NALF1: variants seen among roughly 807,000 people sequenced by gnomAD.
NALF1 encodes family with sequence similarity 155 member A.
In NALF1, 3 loss-of-function variants were observed where a neutral mutation model predicts 48.4. That is an observed-to-expected ratio of 0.06 (90% confidence interval 0.03 to 0.16). The LOEUF (loss-of-function observed/expected upper bound fraction) is 0.16, where lower values mean the gene tolerates loss of function less well. Ranked by LOEUF, NALF1 falls within the 10% of genes least tolerant of loss-of-function variation. The pLI is 1.00. For missense variants in NALF1, 526 were observed against 571.5 expected, an observed-to-expected ratio of 0.92 and a Z score of 0.81; for synonymous variants, 262 against 245.7, an observed-to-expected ratio of 1.07 and a Z score of -0.62.
chr13:107,740,829 A>G (rs1876610881), intron 1 of NALF1, among the ~76,000 whole-genome samples: 1 of 152,210 alleles, frequency 6.6e-6, no homozygotes, highest in Non-Finnish European at 1.5e-5. Flanking sequence ...ACCCTGCTGG[A>G]ATCTCCATTG....
chr13:107,329,831 A>T (rs569448942), intron 1 of NALF1, among the ~76,000 whole-genome samples: 1 of 152,152 alleles, frequency 6.6e-6, no homozygotes, highest in Non-Finnish European at 1.5e-5. Context: ...AAAAGACATG[A>T]ACTCATCATT....
intron 1 of NALF1, among the ~76,000 whole-genome samples, chr13:107,357,048 C>A (rs1594135086): frequency 6.6e-6 from 1 of 152,092 alleles, no homozygotes; most frequent in Non-Finnish European, 1.5e-5. Context: ...AAATCAAACA[C>A]AAAGGGTTCT....
rs560424140 is a variant in NALF1 at position 107,425,100 on chromosome 13, C to A, written c.916-214345G>T. On this transcript the variant is annotated intron_variant, in intron 1 of 2. Coordinates refer to ENST00000375915, the MANE Select transcript of NALF1 (RefSeq NM_001080396.3). ...ATTTTGCTCCTAATTTTTCTACTTA[C>A]AACATTACGAAAGAAAGTTGATTTG... Among the ~76,000 whole-genome samples the A allele has an allele frequency of 1.0e-3, 154 of 152,278 alleles. 1 individual carries two copies. The highest frequency in any genetic ancestry group is 3.2e-3 in the African/African-American group (135 of 41,564).
At chr13:107,581,927 A>G (rs1266940170) in intron 1 of NALF1, among the ~76,000 whole-genome samples, 1 of 152,126 alleles carries the variant, frequency 6.6e-6, no homozygotes, top group Non-Finnish European at 1.5e-5. Flanking sequence ...ATTTCAGCCT[A>G]TGGTGATCAT....
At chr13:107,246,502 T>C (rs1880588499) in intron 1 of NALF1, among the ~76,000 whole-genome samples, 1 of 152,164 alleles carries the variant, frequency 6.6e-6, no homozygotes. Flanking sequence ...GATCGATTTT[T>C]AAAAAAAGTC....
At chr13:107,235,528 A>G (rs576638400) in intron 1 of NALF1, among the ~76,000 whole-genome samples, 13 of 152,148 alleles carry the variant, frequency 8.5e-5, no homozygotes, top group African/African-American at 3.1e-4. Context: ...ATATACTTTA[A>G]ATCACCTCTG....
intron 1 of NALF1, among the ~76,000 whole-genome samples, chr13:107,659,992 A>G (rs545611585): frequency 6.6e-6 from 1 of 151,888 alleles, no homozygotes; most frequent in African/African-American, 2.4e-5. Flanking sequence ...TGGCCTCCCA[A>G]AGTGCTGGGA....
At chr13:107,255,379 ATTACAGTGTGGGTCTGTAT>A (rs1880792608) in intron 1 of NALF1, among the ~76,000 whole-genome samples, 1 of 152,084 alleles carries the variant, frequency 6.6e-6, no homozygotes, top group Non-Finnish European at 1.5e-5. Context: ...CCCCTTTTAA[ATTACAGTGTGGGTCTGTAT>A]TTAATGTCTC....
chr13:107,611,890 T>C (rs1293924528), intron 1 of NALF1, among the ~76,000 whole-genome samples: 1 of 149,464 alleles, frequency 6.7e-6, no homozygotes, highest in East Asian at 2.0e-4. Flanking sequence ...ACCACTGCAC[T>C]CCAGCCTGGA....
intron 1 of NALF1, among the ~76,000 whole-genome samples, chr13:107,605,161 T>A (rs1879030157): frequency 6.6e-6 from 1 of 152,180 alleles, no homozygotes; most frequent in Non-Finnish European, 1.5e-5. Flanking sequence ...AACAAAAAGC[T>A]TGTCAAGGCA....
chr13:107,781,690 G>T, intron 1 of NALF1, among the ~76,000 whole-genome samples: 1 of 150,056 alleles, frequency 6.7e-6, no homozygotes, highest in African/African-American at 2.5e-5. Flanking sequence ...TCTCTTCTTT[G>T]CACTGCTTCA....
At chr13:107,200,928 A>G (rs1056027355) in intron 2 of NALF1, among the ~76,000 whole-genome samples, 3 of 152,186 alleles carry the variant, frequency 2.0e-5, no homozygotes, top group Non-Finnish European at 4.4e-5. Context: ...CGTAACTCTG[A>G]GGTTGAACCT....
rs970669855 is a variant in NALF1 at position 107,260,463 on chromosome 13, T to G, written c.916-49708A>C. On this transcript the variant is annotated intron_variant, in intron 1 of 2. Transcript: ENST00000375915. ...CAATGTTCTGTTAAAACATGAACTT[T>G]TTCAACTTCAGTGCAACTCGCTAGC... is the stretch of plus-strand genomic sequence containing the variant. Among the ~76,000 whole-genome samples the G allele has an allele frequency of 2.6e-5, 4 of 152,318 alleles. No homozygotes were observed. The South Asian group carries it at 6.2e-4, about 24-fold the overall frequency.
Position 107,644,416 on chromosome 13 carries a change from C to G in NALF1, c.915+221266G>C, listed in dbSNP as rs4085953. On this transcript the variant is annotated intron_variant, in intron 1 of 2. Transcript: ENST00000375915. The stretch of plus-strand genomic sequence containing the variant: ...TCCCCTGTTTACAGACACGGAAACT[C>G]AGGTTAAAAAAAAAAAAAATCTATC... Among the ~76,000 whole-genome samples the G allele has an allele frequency of 0.019, 2,801 of 148,696 alleles. 159 individuals are homozygous for G. In the East Asian group the frequency reaches 0.2, roughly 11 times the overall value.
chr13:107,223,340 A>ATTT (rs543910021), intron 1 of NALF1, among the ~76,000 whole-genome samples: 1 of 150,828 alleles, frequency 6.6e-6, no homozygotes, highest in African/African-American at 2.4e-5. Flanking sequence ...TTAATAACTC[A>ATTT]TTTTTTTTTG....
chr13:107,828,579 CTATCT>C (rs1879594826), intron 1 of NALF1, among the ~76,000 whole-genome samples: 1 of 105,428 alleles, frequency 9.5e-6, no homozygotes, highest in South Asian at 3.4e-4. Context: ...ATCTATCTAT[CTATCT>C]ATCTATCTAT....
At chr13:107,674,265 T>C (rs1480506858) in intron 1 of NALF1, among the ~76,000 whole-genome samples, 2 of 152,062 alleles carry the variant, frequency 1.3e-5, no homozygotes, top group Non-Finnish European at 2.9e-5. Flanking sequence ...GGTGCACACA[T>C]AACTTTTCCA....
chr13:107,179,564 C>A (rs552977172), intron 2 of NALF1, among the ~76,000 whole-genome samples: 17 of 151,426 alleles, frequency 1.1e-4, no homozygotes, highest in Admixed American at 9.2e-4. Context: ...GGGGTGGGTA[C>A]CCCATTTACC....
intron 1 of NALF1, among the ~76,000 whole-genome samples, chr13:107,271,141 C>CT (rs1881156382): frequency 6.6e-6 from 1 of 152,112 alleles, no homozygotes; most frequent in Admixed American, 6.5e-5. Context: ...TCCATGACCT[C>CT]TACCACTGAT....
Sources: gnomAD v4.1 joint callset for allele counts (sites outside exome capture counted in the v4.1 genomes callset) on GRCh38, gnomAD v4.1.1 for gene constraint, MANE v1.5 for transcripts, NCBI Gene and HGNC (gene_info 2026-07-23, HGNC 2026-07-21) for gene names.